NEMP1: variants seen among roughly 807,000 people sequenced by gnomAD.
The protein encoded by NEMP1 is nuclear envelope integral membrane protein 1.
In NEMP1, 29 loss-of-function variants were observed where a neutral mutation model predicts 53.7. The ratio of observed to expected loss-of-function variants is 0.54; its 90% CI spans 0.40 to 0.74. NEMP1 has a LOEUF of 0.74. Ranked by LOEUF, NEMP1 falls within the 30% of genes least tolerant of loss-of-function variation. The pLI is 0.00. For missense variants in NEMP1, 477 were observed against 528.6 expected (o/e 0.90, Z 0.96); for synonymous variants, 193 against 192.9 (o/e 1.00, Z 0.00).
intron 8 of NEMP1, 50 bp from the exon 9 acceptor site, chr12:57,060,109 G>T (rs940854397): frequency 1.3e-6 from 2 of 1,554,220 alleles, no homozygotes; most frequent in Non-Finnish European, 1.8e-6. Context: ...TGTCCTTTCT[G>T]GTCTTCTTTC....
In NEMP1 at chr12:57,063,257, G is replaced by A. The variant is rs762563987; in HGVS notation, c.842C>T (p.Thr281Ile). The A allele has an allele frequency of 1.2e-6, 2 of 1,614,074 alleles. No homozygotes were observed. The highest frequency in any genetic ancestry group is 1.7e-6 in the Non-Finnish European group (2 of 1,180,046). ...LENERSINLL[T>I]WTLQLMGLCF... ...CAGGCCCATCAGCTGCAAGGTCCAG[G>A]TCAGCAGGTTGATACTTCGTTCATT... is the stretch of plus-strand genomic sequence containing the variant. Residue 281 changes from threonine (T) to isoleucine (I), a missense_variant, in exon 7 of 9, where the codon ACC becomes ATC. Transcript: ENST00000300128.
intron 5 of NEMP1, 122 bp downstream of exon 5, chr12:57,064,522 GGA>G (rs1187239824): frequency 4.2e-5 from 27 of 635,770 alleles, no homozygotes; most frequent in Non-Finnish European, 6.3e-5. Flanking sequence ...TCTGAATCAA[GGA>G]GAGTAGGATA....
rs1398949026 is a variant in NEMP1 at position 57,064,124 on chromosome 12, A to C, written c.701T>G (p.Leu234Arg). Reference protein sequence around the residue: ...GWSFSLYLIQLVFKNLQEIWR... With the variant: ...GWSFSLYLIQRVFKNLQEIWR... ...GATCTCTTGTAAATTTTTAAAAACT[A>C]GTTGAATGAGGTACAGAGAAAAAGA... Residue 234 changes from leucine to arginine, a missense_variant, in exon 6 of 9, where the codon CTA (leucine) becomes CGA (arginine). Coordinates refer to ENST00000300128, the MANE Select transcript of NEMP1 (RefSeq NM_001130963.2). The C allele has an allele frequency of 1.9e-6, 3 of 1,611,098 alleles. No homozygotes were observed. In the Admixed American group the frequency reaches 5.1e-5, roughly 27 times the overall value.
At chr12:57,071,348 T>C (rs1431148713) in intron 2 of NEMP1, among the ~76,000 whole-genome samples, 3 of 152,276 alleles carry the variant, frequency 2.0e-5, no homozygotes, top group South Asian at 2.1e-4. Flanking sequence ...TTGGTTATAA[T>C]GTGCCCCAGA....
In NEMP1 at chr12:57,078,719, G is replaced by A. The variant is rs2290253; in HGVS notation, c.27C>T (p.Val9=). MAGGMKVA[V]SPAVGPGPWG... Reference sequence around the variant, plus strand: ...AGGGCCCGGGACCAACTGCCGGCGAGACCGCCACTTTCATTCCTCCCGCCA... The same window carrying A: ...AGGGCCCGGGACCAACTGCCGGCGAAACCGCCACTTTCATTCCTCCCGCCA... The change falls in exon 1 of 9, where the codon GTC becomes GTT. Residue 9 remains valine, a synonymous_variant. Transcript: ENST00000300128. 5,006 of 1,612,194 alleles carry A rather than the reference G, an allele frequency of 3.1e-3. 140 individuals carry two copies. The East Asian group carries it at 0.066, about 21-fold the overall frequency.
intron 4 of NEMP1, among the ~76,000 whole-genome samples, chr12:57,068,749 G>A (rs2032211113): frequency 6.6e-6 from 1 of 152,140 alleles, no homozygotes. Flanking sequence ...TGCATTTTCA[G>A]TAGAGATGGG....
intron 1 of NEMP1, among the ~76,000 whole-genome samples, chr12:57,076,033 G>C (rs2032601991): frequency 6.6e-6 from 1 of 151,066 alleles, no homozygotes; most frequent in African/African-American, 2.4e-5. Flanking sequence ...GAACCTAGGT[G>C]GCCGAGATGG....
intron 6 of NEMP1, 62 bp downstream of exon 6, chr12:57,064,009 G>T: frequency 1.0e-6 from 1 of 996,292 alleles, no homozygotes; most frequent in Non-Finnish European, 1.5e-6. Flanking sequence ...ATCTTTTCAT[G>T]ATCAAATTAA....
intron 6 of NEMP1, 82 bp from the exon 7 acceptor site, chr12:57,063,426 A>C: frequency 9.9e-7 from 1 of 1,010,768 alleles, no homozygotes. Flanking sequence ...TAGTTAATTT[A>C]CTATATAGCA....
chr12:57,082,188 C>CAAGA, upstream of NEMP1, among the ~76,000 whole-genome samples: 1 of 152,196 alleles, frequency 6.6e-6, no homozygotes, highest in Admixed American at 6.5e-5. Flanking sequence ...CCACTGCACT[C>CAAGA]CAGCCCGGTG....
intron 1 of NEMP1, among the ~76,000 whole-genome samples, chr12:57,086,959 A>G (rs1009955091): frequency 3.3e-5 from 5 of 152,212 alleles, no homozygotes; most frequent in African/African-American, 1.2e-4. Flanking sequence ...TCTCACGACA[A>G]TCTTGAGAAA....
intron 5 of NEMP1, 25 bp from the exon 6 acceptor site, chr12:57,064,210 G>A (rs538234476): frequency 6.2e-6 from 9 of 1,450,862 alleles, no homozygotes; most frequent in Non-Finnish European, 8.5e-6. Flanking sequence ...AGAAGTGAAA[G>A]CAAAAAGTTA....
rs544574759 is a variant in NEMP1 at position 57,060,822 on chromosome 12, A to C, written c.1104T>G (p.Ser368Arg). The change falls in exon 8 of 9, where the codon AGT (serine) becomes AGG (arginine). Residue 368 changes from serine (S) to arginine (R), a missense_variant. Ser to Arg is a moderately radical substitution (Grantham distance 110). Coordinates refer to ENST00000300128, the MANE Select transcript of NEMP1 (RefSeq NM_001130963.2). ...ALEELREFCNSPDCSAWKTVS... is the reference protein window; with the variant it reads ...ALEELREFCNRPDCSAWKTVS... Reference sequence around the variant, plus strand: ...CAGTCTTCCAAGCAGAGCAGTCTGGACTGTTACAAAATTCTCGGAGCTCCT... The same window carrying C: ...CAGTCTTCCAAGCAGAGCAGTCTGGCCTGTTACAAAATTCTCGGAGCTCCT... 2 of 1,613,964 alleles carry C rather than the reference A, an allele frequency of 1.2e-6. No homozygotes were observed. Among genetic ancestry groups the C allele is most frequent in the Non-Finnish European group, 1.7e-6 (2 of 1,180,002 alleles).
chr12:57,078,494 C>T (rs1040461126), intron 1 of NEMP1, 125 bp downstream of exon 1: 12 of 1,326,126 alleles, frequency 9.0e-6, no homozygotes, highest in Admixed American at 2.3e-5. Flanking sequence ...CCACACTACG[C>T]CGGCGGCCCT....
chr12:57,081,731 C>G (rs768489216), upstream of NEMP1, among the ~76,000 whole-genome samples: 2 of 147,554 alleles, frequency 1.4e-5, no homozygotes, highest in African/African-American at 2.5e-5. Context: ...CATGGTGAAA[C>G]CCCGTCTCTA....
chr12:57,070,194 C>T (rs532648650), intron 3 of NEMP1, among the ~76,000 whole-genome samples: 12 of 152,284 alleles, frequency 7.9e-5, no homozygotes, highest in Admixed American at 2.6e-4. Context: ...CAGTGGTCTT[C>T]ATCTTTATTT....
chr12:57,063,901 A>C (rs1268416768), intron 6 of NEMP1, among the ~76,000 whole-genome samples, 170 bp downstream of exon 6: 1 of 152,232 alleles, frequency 6.6e-6, no homozygotes, highest in East Asian at 1.9e-4. Context: ...ATTTAAGAGA[A>C]GGTGATAATT....
chr12:57,068,666 C>T (rs975779888), intron 4 of NEMP1, among the ~76,000 whole-genome samples: 5 of 152,100 alleles, frequency 3.3e-5, no homozygotes, highest in African/African-American at 1.2e-4. Context: ...CCTGGGTTCA[C>T]GCCATTCTCC....
intron 4 of NEMP1, among the ~76,000 whole-genome samples, chr12:57,067,127 C>T (rs570776871): frequency 1.3e-5 from 2 of 152,010 alleles, no homozygotes; most frequent in Non-Finnish European, 2.9e-5. Context: ...AGATCGAGAC[C>T]ATCCTGGCTA....
Sources: allele counts gnomAD v4.1 joint callset (sites outside exome capture counted in the v4.1 genomes callset), GRCh38; gene constraint gnomAD v4.1.1; transcripts MANE v1.5; gene names NCBI Gene and HGNC (gene_info 2026-07-23, HGNC 2026-07-21).